HAO1: variants seen among roughly 807,000 people sequenced by gnomAD.
The protein encoded by HAO1 is hydroxyacid oxidase 1.
In HAO1, 34 loss-of-function variants were observed where a neutral mutation model predicts 39.7. That is an observed-to-expected ratio of 0.86 (90% CI 0.65 to 1.14). The LOEUF (loss-of-function observed/expected upper bound fraction) is 1.14. Among genes scored for constraint, HAO1 ranks in the 50% most tolerant of loss-of-function variants. HAO1 has a pLI of 0.00. For missense variants in HAO1, 479 were observed against 464.5 expected (o/e 1.03, Z -0.29); for synonymous variants, 172 against 173.2 (o/e 0.99, Z 0.05).
At chr20:7,897,562 T>G (rs1445395354) in intron 4 of HAO1, among the ~76,000 whole-genome samples, 1 of 152,116 alleles carries the variant, frequency 6.6e-6, no homozygotes, top group Non-Finnish European at 1.5e-5. Context: ...TTTTAATCTT[T>G]GAGAGCTCTT....
chr20:7,907,012 C>T (rs776238421), intron 3 of HAO1, among the ~76,000 whole-genome samples: 9 of 152,122 alleles, frequency 5.9e-5, no homozygotes, highest in Admixed American at 2.0e-4. Context: ...AGGTTGGAAC[C>T]GCAGTAACAG....
At chr20:7,933,955 G>T (rs759283041) in intron 2 of HAO1, among the ~76,000 whole-genome samples, 1 of 152,142 alleles carries the variant, frequency 6.6e-6, no homozygotes, top group Non-Finnish European at 1.5e-5. Flanking sequence ...AACCACGGAA[G>T]AAAACACAAC....
chr20:7,924,730 T>C (rs1295143519), intron 2 of HAO1, among the ~76,000 whole-genome samples: 1 of 152,116 alleles, frequency 6.6e-6, no homozygotes, highest in Non-Finnish European at 1.5e-5. Context: ...TTCCAAATTA[T>C]GGTTTTAAGG....
intron 2 of HAO1, among the ~76,000 whole-genome samples, chr20:7,922,823 G>A (rs968971470): frequency 2.6e-5 from 4 of 151,976 alleles, no homozygotes; most frequent in African/African-American, 9.7e-5. Flanking sequence ...TCTTCCATTT[G>A]CAATGTAACT....
At chr20:7,907,031 A>G (rs2050251595) in intron 3 of HAO1, among the ~76,000 whole-genome samples, 1 of 152,170 alleles carries the variant, frequency 6.6e-6, no homozygotes, top group African/African-American at 2.4e-5. Context: ...AGGTGTTAAC[A>G]TGACTGTCTG....
At chr20:7,904,680 G>A (rs566162473) in intron 4 of HAO1, among the ~76,000 whole-genome samples, 3 of 152,010 alleles carry the variant, frequency 2.0e-5, no homozygotes, top group Non-Finnish European at 2.9e-5. Flanking sequence ...TCTCCTACAA[G>A]AATAGACTGT....
rs1200929251 is a variant in HAO1, at chr20:7,922,463, TA to T, written c.290-8045del. Among the ~76,000 whole-genome samples, 4 of 152,250 alleles carry T rather than the reference TA, an allele frequency of 2.6e-5. No homozygotes were observed. In the East Asian group the frequency reaches 7.7e-4, roughly 29 times the overall value. On this transcript the variant is annotated intron_variant, in intron 2 of 7. Transcript: ENST00000378789. ...CCATTCCTCTTTTCCCTTGCAAATA[TA>T]GTGTCCAATGCTCAATACCTTTATG... is the stretch of plus-strand genomic sequence containing the variant.
At chr20:7,921,445 T>A (rs1477943603) in intron 2 of HAO1, among the ~76,000 whole-genome samples, 1 of 152,034 alleles carries the variant, frequency 6.6e-6, no homozygotes, top group Non-Finnish European at 1.5e-5. Context: ...TGTTAAAAAG[T>A]CAAAAAATAC....
intron 2 of HAO1, among the ~76,000 whole-genome samples, chr20:7,925,214 A>G (rs933128381): frequency 6.6e-6 from 1 of 152,204 alleles, no homozygotes; most frequent in African/African-American, 2.4e-5. Context: ...TGCTTGAAAT[A>G]CTTAAAAGTT....
chr20:7,900,974 A>T (rs892698384), intron 4 of HAO1, among the ~76,000 whole-genome samples: 1 of 152,172 alleles, frequency 6.6e-6, no homozygotes, highest in African/African-American at 2.4e-5. Context: ...GCTGATAGGG[A>T]GAAAGTTTGA....
intron 2 of HAO1, among the ~76,000 whole-genome samples, chr20:7,916,496 C>A (rs549624486): frequency 6.6e-6 from 1 of 152,106 alleles, no homozygotes; most frequent in Non-Finnish European, 1.5e-5. Context: ...GCAGGACAAT[C>A]CCCTGGAGGG....
At chr20:7,904,125 A>G (rs914726766) in intron 4 of HAO1, among the ~76,000 whole-genome samples, 6 of 152,154 alleles carry the variant, frequency 3.9e-5, no homozygotes, top group African/African-American at 1.4e-4. Context: ...GAACAAGACT[A>G]AAATTCTATT....
At chr20:7,918,618 G>T in intron 2 of HAO1, among the ~76,000 whole-genome samples, 1 of 152,212 alleles carries the variant, frequency 6.6e-6, no homozygotes, top group South Asian at 2.1e-4. Flanking sequence ...CCGGCAGAGC[G>T]GGGGGCATCC....
chr20:7,914,687 T>C (rs907701725), intron 2 of HAO1, among the ~76,000 whole-genome samples: 2 of 152,188 alleles, frequency 1.3e-5, no homozygotes, highest in African/African-American at 4.8e-5. Context: ...TGTATATTGT[T>C]CCTGAAGAAC....
At chr20:7,893,699 C>T (rs2050184272) in intron 5 of HAO1, among the ~76,000 whole-genome samples, 1 of 152,120 alleles carries the variant, frequency 6.6e-6, no homozygotes, top group Non-Finnish European at 1.5e-5. Flanking sequence ...GACCAATCAG[C>T]ACTCGCCACT....
At chr20:7,923,870 G>A (rs1467592062) in intron 2 of HAO1, among the ~76,000 whole-genome samples, 1 of 152,104 alleles carries the variant, frequency 6.6e-6, no homozygotes, top group Non-Finnish European at 1.5e-5. Flanking sequence ...CTTTCAAAAG[G>A]ACTCATCCAA....
At chr20:7,895,395 T>A (rs1474081735) in intron 4 of HAO1, among the ~76,000 whole-genome samples, 171 bp from the exon 5 acceptor site, 1 of 151,724 alleles carries the variant, frequency 6.6e-6, no homozygotes, top group African/African-American at 2.4e-5. Context: ...TTAGTGGTAG[T>A]TTTCTTGGCC....
In HAO1 at chr20:7,883,597, A is replaced by G; in HGVS notation, c.1109T>C (p.Ile370Thr). The G allele has an allele frequency of 6.2e-7, 1 of 1,610,470 alleles. No individual in the cohort carries two copies. Among genetic ancestry groups the G allele is most frequent in the African/African-American group, 1.3e-5 (1 of 75,000 alleles). ...VRKNPLAVSKI is the reference protein window; with the variant it reads ...VRKNPLAVSKT ...ATGGGAAAATATTGTGCACTGTCAG[A>G]TCTTGGAAACGGCCAAAGGATTTTT... The change falls in exon 8 of 8, where the codon ATC becomes ACC. Residue 370 changes from isoleucine to threonine, a missense_variant. Transcript: ENST00000378789.
chr20:7,915,932 T>G (rs554851460), intron 2 of HAO1, among the ~76,000 whole-genome samples: 28 of 152,286 alleles, frequency 1.8e-4, no homozygotes, highest in African/African-American at 6.7e-4. Context: ...AATTTTGTCT[T>G]TCAAAATTGT....
Sources: allele counts gnomAD v4.1 joint callset (sites outside exome capture counted in the v4.1 genomes callset), GRCh38; gene constraint gnomAD v4.1.1; transcripts MANE v1.5; gene names NCBI Gene and HGNC (gene_info 2026-07-23, HGNC 2026-07-21).